The following CC2D2A variants were observed in gnomAD, a reference collection of about 807,000 sequenced individuals.
The protein encoded by CC2D2A is coiled-coil and C2 domain containing 2A.
CC2D2A carries 155 observed loss-of-function variants against 212.9 expected under a neutral mutation model. That is an observed-to-expected ratio of 0.73 (90% CI 0.64 to 0.83). CC2D2A has a LOEUF of 0.83. CC2D2A is among the 40% of genes least tolerant of loss of function. CC2D2A has a pLI of 0.00. For missense variants in CC2D2A, 1,856 were observed against 1,956.2 expected, an observed-to-expected ratio of 0.95 and a Z score of 0.97; for synonymous variants, 667 against 686.5, an observed-to-expected ratio of 0.97 and a Z score of 0.44.
At chr4:15,550,719 C>A in intron 17 of CC2D2A, 105 bp from the exon 18 acceptor site, 2 of 784,416 alleles carry the variant, frequency 2.5e-6, no homozygotes, top group Non-Finnish European at 1.9e-6. Flanking sequence ...GCCCTTAGGG[C>A]TGGAACAGTG....
At chr4:15,510,037 C>T (rs1716478186) in intron 6 of CC2D2A, 102 bp from the exon 7 acceptor site, 1 of 829,456 alleles carries the variant, frequency 1.2e-6, no homozygotes, top group African/African-American at 1.7e-5. Context: ...CAGCAGCAGT[C>T]AGAAGATAAG....
chr4:15,538,265 A>AT, intron 16 of CC2D2A, 128 bp downstream of exon 16: 1 of 1,017,298 alleles, frequency 9.8e-7, no homozygotes, highest in Non-Finnish European at 1.4e-6. Context: ...CAGGAGTATC[A>AT]TTAACTCTAA....
At chr4:15,599,893 CCAT>C (rs1721506661) in intron 36 of CC2D2A, among the ~76,000 whole-genome samples, 187 bp downstream of exon 36, 1 of 152,128 alleles carries the variant, frequency 6.6e-6, no homozygotes, top group African/African-American at 2.4e-5. Context: ...CAAAATACCA[CCAT>C]TTTTCATATA....
chr4:15,486,372 GT>G (rs148717091), intron 4 of CC2D2A, among the ~76,000 whole-genome samples: 3,090 of 151,956 alleles, frequency 0.02, 42 homozygotes, highest in East Asian at 0.053. Flanking sequence ...ATTTCTTCAT[GT>G]TTCAATCTTG....
At chr4:15,490,559 A>G (rs1176737368) in intron 4 of CC2D2A, among the ~76,000 whole-genome samples, 1 of 152,230 alleles carries the variant, frequency 6.6e-6, no homozygotes, top group African/African-American at 2.4e-5. Context: ...GTTGACGGAC[A>G]TGTGGATTAT....
At chr4:15,557,624 C>T in intron 21 of CC2D2A, 117 bp downstream of exon 21, 1 of 605,110 alleles carries the variant, frequency 1.7e-6, no homozygotes, top group Non-Finnish European at 2.7e-6. Context: ...AGCGGTTTCT[C>T]TTTTATTTCA....
chr4:15,497,933 T>C (rs1199563448), intron 4 of CC2D2A, among the ~76,000 whole-genome samples: 1 of 152,232 alleles, frequency 6.6e-6, no homozygotes, highest in Non-Finnish European at 1.5e-5. Context: ...CCACATCAAT[T>C]TGTGGACATA....
chr4:15,552,096 A>T (rs897410405), intron 18 of CC2D2A, among the ~76,000 whole-genome samples: 4 of 152,218 alleles, frequency 2.6e-5, no homozygotes, highest in African/African-American at 9.6e-5. Flanking sequence ...GAGTTACTTC[A>T]TTTAGTGCTT....
Position 15,555,534 on chromosome 4 carries a change from T to C in CC2D2A, c.2625+324T>C, listed in dbSNP as rs186074917. 1.1e-3 allele frequency among the ~76,000 whole-genome samples: 160 copies of C among 152,060 alleles called. No individual in the cohort carries two copies. The South Asian group carries it at 0.02, about 19-fold the overall frequency. ...AAGGAGGATCGCTTGAGCCCAAGAG[T>C]TCGAAACCAGTCTGGGCAACATGGC... On this transcript the variant is annotated intron_variant, in intron 20 of 36. Coordinates refer to ENST00000424120, the MANE Select transcript of CC2D2A (RefSeq NM_001378615.1).
At chr4:15,568,934 A>G (rs1720028885) in intron 26 of CC2D2A, among the ~76,000 whole-genome samples, 1 of 152,168 alleles carries the variant, frequency 6.6e-6, no homozygotes. Flanking sequence ...TTGCTTAGGA[A>G]GTCCATATAC....
chr4:15,546,384 T>C (rs1718711141), intron 17 of CC2D2A, among the ~76,000 whole-genome samples: 1 of 152,226 alleles, frequency 6.6e-6, no homozygotes, highest in Non-Finnish European at 1.5e-5. Flanking sequence ...GCTGGGTGCC[T>C]TTTAAATTTT....
In CC2D2A at chr4:15,539,099, A is replaced by G. The variant is rs540005381; in HGVS notation, c.2003+962A>G. Among the ~76,000 whole-genome samples the G allele has an allele frequency of 1.1e-4, 16 of 149,558 alleles. No homozygotes were observed. In the East Asian group the frequency reaches 3.1e-3, roughly 29 times the overall value. ...TCACATTGAAATAAATATGTTTAAGAAAGATTAATAAAAACTAGCCAGATA... is the reference window on the plus strand; with the variant it reads ...TCACATTGAAATAAATATGTTTAAGGAAGATTAATAAAAACTAGCCAGATA... On this transcript the variant is annotated intron_variant, in intron 16 of 36. Transcript: ENST00000424120.
intron 16 of CC2D2A, among the ~76,000 whole-genome samples, chr4:15,538,923 G>C (rs1167119658): frequency 5.9e-5 from 9 of 152,112 alleles, no homozygotes; most frequent in Admixed American, 5.9e-4. Flanking sequence ...CTCAGGCCAG[G>C]CATGGTGGCT....
At chr4:15,576,504 A>C in intron 29 of CC2D2A, 5 of 244,334 alleles carry the variant, frequency 2.0e-5, no homozygotes, top group Non-Finnish European at 3.3e-5. Flanking sequence ...TTTTAATATC[A>C]CTTACATGAT....
chr4:15,501,025 C>T (rs140896373), intron 4 of CC2D2A, among the ~76,000 whole-genome samples: 1 of 152,254 alleles, frequency 6.6e-6, no homozygotes, highest in East Asian at 1.9e-4. Flanking sequence ...CTTCCCGTCT[C>T]GTTTTTCTTT....
chr4:15,546,984 A>C (rs774625365), intron 17 of CC2D2A, among the ~76,000 whole-genome samples: 1 of 152,184 alleles, frequency 6.6e-6, no homozygotes. Flanking sequence ...GAAGAAAGCC[A>C]TGGGTACTAT....
chr4:15,594,734 A>G (rs1721243153), intron 33 of CC2D2A, among the ~76,000 whole-genome samples: 1 of 152,190 alleles, frequency 6.6e-6, no homozygotes, highest in African/African-American at 2.4e-5. Context: ...GGAGTGCAGA[A>G]TTGGGGCTAA....
chr4:15,499,088 T>C (rs1715776752), intron 4 of CC2D2A, among the ~76,000 whole-genome samples: 1 of 152,060 alleles, frequency 6.6e-6, no homozygotes, highest in Non-Finnish European at 1.5e-5. Context: ...AAAAGATCAG[T>C]GGTTGCCAGA....
In CC2D2A at chr4:15,589,691, C is replaced by T. The variant is rs775304664; in HGVS notation, c.4314+12C>T. ...TAGGTCCTGACAATGTAAGTATTAA[C>T]ATTTCTTCTTAAATATGGTTAGCTG... On this transcript the variant is annotated intron_variant, in intron 33 of 36. Coordinates refer to ENST00000424120, the MANE Select transcript of CC2D2A (RefSeq NM_001378615.1). The T allele has an allele frequency of 1.4e-5, 21 of 1,462,852 alleles. No individual in the cohort carries two copies. The African/African-American group carries it at 2.1e-4, about 15-fold the overall frequency. 90.6% of individuals were successfully genotyped at this position (1,462,852 alleles called of 1,614,324 possible). A position where few individuals can be genotyped will look rare whatever the true frequency, so the allele number is the denominator to read the frequency against.
Sources: allele counts gnomAD v4.1 joint callset (sites outside exome capture counted in the v4.1 genomes callset), GRCh38; gene constraint gnomAD v4.1.1; transcripts MANE v1.5; gene names NCBI Gene and HGNC (gene_info 2026-07-23, HGNC 2026-07-21).